Variants in DNAH11 observed in about 807,000 individuals in gnomAD.
DNAH11 encodes dynein axonemal heavy chain 11, also known as axonemal beta dynein heavy chain 11.
DNAH11 carries 442 observed loss-of-function variants against 526.0 expected under a neutral mutation model. The ratio of observed to expected loss-of-function variants is 0.84; its 90% confidence interval spans 0.78 to 0.91. The LOEUF (loss-of-function observed/expected upper bound fraction) is 0.91, where lower values mean the gene tolerates loss of function less well. Ranked by LOEUF, DNAH11 falls within the 40% of genes least tolerant of loss-of-function variation. The pLI, the probability that DNAH11 is intolerant of heterozygous loss-of-function variation, is 0.00. For synonymous variants in DNAH11, 2,461 were observed against 1,935.9 expected, an observed-to-expected ratio of 1.27 and a Z score of -7.12; for missense variants, 6,989 against 5,448.7, an observed-to-expected ratio of 1.28 and a Z score of -8.90.
At chr7:21,875,877 C>CTTTTTTTTTTTTT (rs35349937) in intron 74 of DNAH11, among the ~76,000 whole-genome samples, 1 of 78,938 alleles carries the variant, frequency 1.3e-5, no homozygotes, top group Non-Finnish European at 2.3e-5. Flanking sequence ...AAGAATATTT[C>CTTTTTTTTTTTTT]TTTTTTTTTT....
chr7:21,846,635 A>G (rs1446378414), intron 66 of DNAH11, among the ~76,000 whole-genome samples: 1 of 152,116 alleles, frequency 6.6e-6, no homozygotes, highest in Non-Finnish European at 1.5e-5. Context: ...GTTCACAACT[A>G]TGCTCATCAG....
chr7:21,606,941 G>C (rs1258914655), intron 20 of DNAH11, among the ~76,000 whole-genome samples: 1 of 152,040 alleles, frequency 6.6e-6, no homozygotes, highest in Non-Finnish European at 1.5e-5. Flanking sequence ...CATTGTATTA[G>C]GGTTCTCTAG....
intron 8 of DNAH11, among the ~76,000 whole-genome samples, chr7:21,578,460 G>C (rs1784184884): frequency 6.6e-6 from 1 of 152,212 alleles, no homozygotes; most frequent in African/African-American, 2.4e-5. Context: ...GGCTCTGCAG[G>C]GTACAGCCCC....
intron 62 of DNAH11, among the ~76,000 whole-genome samples, chr7:21,806,792 T>C (rs770378203): frequency 9.9e-5 from 15 of 152,244 alleles, no homozygotes; most frequent in Non-Finnish European, 1.8e-4. Flanking sequence ...TACATATTTA[T>C]TGCAGTTTTA....
Position 21,687,404 on chromosome 7 carries a change from G to T in DNAH11, c.5801G>T (p.Gly1934Val). 6.2e-7 allele frequency: 1 copy of T among 1,613,616 alleles called. No homozygotes were observed. The highest frequency in any genetic ancestry group is 1.3e-5 in the African/African-American group (1 of 75,028). ...TAGTCCATAGGCAATATCTATAAGG[G>T]ATTGGTGCAGACAGGAGCTTGGGGC... is the stretch of plus-strand genomic sequence containing the variant. ...DYKSIGNIYK[G>V]LVQTGAWGCF... Residue 1934 changes from glycine (G) to valine (V), a missense_variant, in exon 34 of 82, where the codon GGA (glycine) becomes GTA (valine). Gly to Val is a moderately radical substitution (Grantham distance 109, BLOSUM62 -3). Transcript: ENST00000409508.
chr7:21,806,284 C>T (rs1226729312), intron 62 of DNAH11, among the ~76,000 whole-genome samples: 2 of 152,112 alleles, frequency 1.3e-5, no homozygotes, highest in Non-Finnish European at 2.9e-5. Context: ...ATTGTTTATC[C>T]TTTACAAACC....
At position 21,658,829 on chromosome 7, in the gene DNAH11, C is replaced by T; in HGVS notation, c.5126C>T (p.Thr1709Ile). ...VETWLLQLEQ[T>I]MQETVRHSIT... is the part of the protein sequence containing the mutation. ...ACATGGCTTCTGCAACTTGAACAGA[C>T]TATGCAAGAAACGGTGCGTCATTCT... The change falls in exon 30 of 82, where the codon ACT becomes ATT. Residue 1709 changes from threonine (T) to isoleucine (I), a missense_variant. Transcript: ENST00000409508. The T allele has an allele frequency of 1.3e-6, 2 of 1,596,812 alleles. No homozygotes were observed. The highest frequency in any genetic ancestry group is 1.7e-6 in the Non-Finnish European group (2 of 1,171,600).
chr7:21,543,680 G>T (rs1331966953), intron 1 of DNAH11, 84 bp downstream of exon 1: 10 of 1,440,802 alleles, frequency 6.9e-6, no homozygotes, highest in Non-Finnish European at 7.4e-6. Context: ...TTGGATTCCC[G>T]CGGGGCGCTC....
In DNAH11 at chr7:21,672,859, A is replaced by G. The variant is rs116598504; in HGVS notation, c.5329-8687A>G. Among the ~76,000 whole-genome samples the G allele has an allele frequency of 5.5e-3, 839 of 152,246 alleles. 4 individuals are homozygous for G. The highest frequency in any genetic ancestry group is 0.019 in the African/African-American group (773 of 41,536). On this transcript the variant is annotated intron_variant, in intron 30 of 81. Coordinates refer to ENST00000409508, the MANE Select transcript of DNAH11 (RefSeq NM_001277115.2). ...GACCAGCCACCACTATGTATCAGGA[A>G]CCACTGCTTCTCTCTGACCTTAAGT...
intron 68 of DNAH11, among the ~76,000 whole-genome samples, chr7:21,857,862 AAG>A (rs1239324961): frequency 6.6e-6 from 1 of 152,204 alleles, no homozygotes; most frequent in Non-Finnish European, 1.5e-5. Flanking sequence ...GGAGAAAAAT[AAG>A]AGAGGGCTTT....
chr7:21,873,784 CT>C (rs57333575), intron 74 of DNAH11, among the ~76,000 whole-genome samples: 4 of 70,700 alleles, frequency 5.7e-5, no homozygotes, highest in African/African-American at 1.2e-4. Flanking sequence ...GAGGAGGTTG[CT>C]TTTTTTTTTT....
chr7:21,606,298 A>G, intron 18 of DNAH11, 128 bp from the exon 19 acceptor site: 1 of 757,622 alleles, frequency 1.3e-6, no homozygotes, highest in African/African-American at 1.8e-5. Context: ...ACTCCAGCCT[A>G]GGGGATAGAG....
In DNAH11 at chr7:21,590,913, A is replaced by G. The variant is rs1447584009; in HGVS notation, c.2170-5A>G. ...GCAATAATTTTAATAATTGTATTTT[A>G]ATAGCTAGTGGCTGTATTGAGAGAA... On this transcript the variant is annotated splice_region_variant and splice_polypyrimidine_tract_variant and intron_variant, in intron 12 of 81. Coordinates refer to ENST00000409508, the MANE Select transcript of DNAH11 (RefSeq NM_001277115.2). The G allele has an allele frequency of 1.4e-6, 2 of 1,401,750 alleles. No individual in the cohort carries two copies. The highest frequency in any genetic ancestry group is 3.0e-5 in the African/African-American group (2 of 66,050). The allele number at this position is 1,401,750 out of a possible 1,614,324, so 86.8% of individuals were successfully genotyped here.
intron 61 of DNAH11, among the ~76,000 whole-genome samples, chr7:21,793,822 A>G (rs918296170): frequency 7.2e-5 from 11 of 152,128 alleles, no homozygotes; most frequent in African/African-American, 2.7e-4. Flanking sequence ...AGATCTATTC[A>G]TGTTTATTAT....
intron 38 of DNAH11, 72 bp downstream of exon 38, chr7:21,704,700 TA>T (rs72657343): frequency 0.074 from 111,071 of 1,503,432 alleles, 4,624 homozygotes; most frequent in East Asian, 0.16. Context: ...TAATTGATAC[TA>T]AAGCAAGATG....
chr7:21,869,136 G>A (rs1783403596), intron 73 of DNAH11, 145 bp downstream of exon 73: 1 of 1,215,236 alleles, frequency 8.2e-7, no homozygotes, highest in African/African-American at 1.5e-5. Context: ...TGTTCATGAT[G>A]CCTGCAAAGA....
chr7:21,862,320 G>A lies in DNAH11; in HGVS notation c.11373+297G>A, dbSNP rs545776975. 3.3e-5 allele frequency among the ~76,000 whole-genome samples: 5 copies of A among 151,972 alleles called. No homozygotes were observed. The South Asian group carries it at 6.3e-4, about 19-fold the overall frequency. On this transcript the variant is annotated intron_variant, in intron 69 of 81. Transcript: ENST00000409508. ...CATAAGACATTCTTCTCACCTTCTC[G>A]GGTCCTGTAAAGAAACTTCCAGGCA...
intron 14 of DNAH11, among the ~76,000 whole-genome samples, chr7:21,593,233 A>G (rs1388089326): frequency 6.6e-6 from 1 of 152,188 alleles, no homozygotes; most frequent in African/African-American, 2.4e-5. Context: ...ACTCTGTCCC[A>G]TCCTGACGTA....
chr7:21,598,901 C>T (rs1562690133), intron 14 of DNAH11, among the ~76,000 whole-genome samples: 2 of 152,132 alleles, frequency 1.3e-5, no homozygotes, highest in Admixed American at 1.3e-4. Flanking sequence ...ATCCATGTTC[C>T]TGCAAAGGAC....
Sources: allele counts gnomAD v4.1 joint callset (sites outside exome capture counted in the v4.1 genomes callset), GRCh38; gene constraint gnomAD v4.1.1; transcripts MANE v1.5; gene names NCBI Gene and HGNC (gene_info 2026-07-23, HGNC 2026-07-21).